NUDCD3: variants seen among roughly 807,000 people sequenced by gnomAD.
NUDCD3 encodes the protein nudC domain-containing protein 3.
NUDCD3 carries 13 observed loss-of-function variants against 39.7 expected under a neutral mutation model. The ratio of observed to expected loss-of-function variants is 0.33; its 90% CI spans 0.21 to 0.52. The LOEUF is 0.52. Ranked by LOEUF, NUDCD3 falls within the 20% of genes least tolerant of loss-of-function variation. The pLI, the probability that NUDCD3 is intolerant of heterozygous loss-of-function variation, is 0.96. For synonymous variants in NUDCD3, 175 were observed against 172.4 expected (o/e 1.02, Z -0.12); for missense variants, 453 against 458.1 (o/e 0.99, Z 0.10).
chr7:44,477,966 T>C (rs1800411385), intron 2 of NUDCD3, among the ~76,000 whole-genome samples: 1 of 151,976 alleles, frequency 6.6e-6, no homozygotes, highest in South Asian at 2.1e-4. Flanking sequence ...CCTGTGTAGC[T>C]GAGATTACAG....
At chr7:44,425,629 T>C (rs1799218680) in intron 3 of NUDCD3, among the ~76,000 whole-genome samples, 1 of 152,168 alleles carries the variant, frequency 6.6e-6, no homozygotes, top group African/African-American at 2.4e-5. Flanking sequence ...CTCAGAAGGC[T>C]GAAGTGGGAA....
At chr7:44,405,535 G>C (rs1021997640) in intron 3 of NUDCD3, among the ~76,000 whole-genome samples, 4 of 152,072 alleles carry the variant, frequency 2.6e-5, no homozygotes, top group African/African-American at 9.7e-5. Context: ...GAAGACACTG[G>C]GATCAAGTAC....
intron 2 of NUDCD3, among the ~76,000 whole-genome samples, chr7:44,450,480 G>C (rs1799773694): frequency 6.6e-6 from 1 of 151,656 alleles, no homozygotes; most frequent in South Asian, 2.1e-4. Context: ...GCCCGGCCAA[G>C]AAATGTCTAA....
At chr7:44,399,225 G>C (rs1798678336) in intron 4 of NUDCD3, among the ~76,000 whole-genome samples, 1 of 152,214 alleles carries the variant, frequency 6.6e-6, no homozygotes, top group Admixed American at 6.5e-5. Flanking sequence ...ACTGGAACAG[G>C]TTTCCTTGGG....
In NUDCD3 at chr7:44,420,491, T is replaced by C. The variant is rs182965553; in HGVS notation, c.642+7080A>G. On this transcript the variant is annotated intron_variant, in intron 3 of 5. Transcript: ENST00000355451. ...CAGGCCAACATGCAAATTCAGGAAA[T>C]ATAGAGAACACCACGAAGATACTCC... is the stretch of plus-strand genomic sequence containing the variant. Among the ~76,000 whole-genome samples the C allele has an allele frequency of 2.5e-4, 38 of 152,086 alleles. 1 individual carries two copies. The East Asian group carries it at 7.0e-3, about 28-fold the overall frequency.
intron 2 of NUDCD3, among the ~76,000 whole-genome samples, chr7:44,457,469 G>A (rs1799926163): frequency 6.6e-6 from 1 of 152,064 alleles, no homozygotes; most frequent in Non-Finnish European, 1.5e-5. Flanking sequence ...AAAGCTGCAG[G>A]TTACAAGATC....
At chr7:44,447,876 C>A (rs1799716109) in intron 2 of NUDCD3, among the ~76,000 whole-genome samples, 2 of 152,166 alleles carry the variant, frequency 1.3e-5, no homozygotes, top group South Asian at 4.1e-4. Flanking sequence ...TGTCTGGCCA[C>A]ACAGGATTGC....
chr7:44,458,381 C>T (rs1035739844), intron 2 of NUDCD3, among the ~76,000 whole-genome samples: 7 of 152,178 alleles, frequency 4.6e-5, no homozygotes, highest in African/African-American at 1.7e-4. Context: ...GTTCTGGGGC[C>T]AGACATGGTG....
At chr7:44,437,020 ATT>A (rs765704074) in intron 2 of NUDCD3, among the ~76,000 whole-genome samples, 1 of 137,366 alleles carries the variant, frequency 7.3e-6, no homozygotes, top group Admixed American at 7.1e-5. Flanking sequence ...TGCTCTCATA[ATT>A]TTTTTTTTTA....
At position 44,466,787 on chromosome 7, in the gene NUDCD3, G is replaced by A. The variant is rs1165332751; in HGVS notation, c.509+18181C>T. On this transcript the variant is annotated intron_variant, in intron 2 of 5. Coordinates refer to ENST00000355451, the MANE Select transcript of NUDCD3 (RefSeq NM_015332.4). The stretch of plus-strand genomic sequence containing the variant: ...AGCAGCAGAATAGAAAGCTCTGGGT[G>A]AGCCTGCAAAGCAGGAGGCATGCTA... Among the ~76,000 whole-genome samples, 9 of 152,354 alleles carry A rather than the reference G, an allele frequency of 5.9e-5. No individual in the cohort carries two copies. The East Asian group carries it at 1.7e-3, about 29-fold the overall frequency.
At chr7:44,442,368 T>C (rs769210014) in intron 2 of NUDCD3, among the ~76,000 whole-genome samples, 34 of 152,110 alleles carry the variant, frequency 2.2e-4, no homozygotes, top group Non-Finnish European at 3.7e-4. Context: ...ACATGGAGAG[T>C]AGACTGCAGA....
chr7:44,466,360 T>A (rs1800118688), intron 2 of NUDCD3, among the ~76,000 whole-genome samples: 2 of 152,190 alleles, frequency 1.3e-5, no homozygotes, highest in African/African-American at 4.8e-5. Flanking sequence ...TGGTTTCCTT[T>A]CTTACTCAGA....
In NUDCD3 at chr7:44,484,144, G is replaced by A. The variant is rs899611397; in HGVS notation, c.509+824C>T. 2.0e-5 allele frequency among the ~76,000 whole-genome samples: 3 copies of A among 152,308 alleles called. No homozygotes were observed. In the South Asian group the frequency reaches 6.2e-4, roughly 32 times the overall value. ...CACAGGTGACCCATCCTATCAAGGA[G>A]GGAAGAGAGTGAATTTTCCAAAAAA... On this transcript the variant is annotated intron_variant, in intron 2 of 5. Coordinates refer to ENST00000355451, the MANE Select transcript of NUDCD3 (RefSeq NM_015332.4).
At chr7:44,415,269 G>A (rs902616833) in intron 3 of NUDCD3, among the ~76,000 whole-genome samples, 2 of 152,166 alleles carry the variant, frequency 1.3e-5, no homozygotes, top group South Asian at 2.1e-4. Flanking sequence ...GGTCTGACAT[G>A]AGCAATCACA....
chr7:44,468,349 C>CAA (rs77181470), intron 2 of NUDCD3: 4,465 of 378,904 alleles, frequency 0.012, 18 homozygotes, highest in African/African-American at 0.034. Flanking sequence ...GTAAAAACTG[C>CAA]AAAAAAAAAA....
chr7:44,385,305 G>GC lies in NUDCD3; in HGVS notation c.*705dup, dbSNP rs1798382275. 6.6e-6 allele frequency: 1 copy of GC among 152,310 alleles called. No individual in the cohort carries two copies. Among genetic ancestry groups the GC allele is most frequent in the Non-Finnish European group, 1.5e-5 (1 of 68,076 alleles). The allele number at this position is 152,310 out of a possible 1,614,324, so 9.4% of individuals were successfully genotyped here. On this transcript the variant is annotated 3_prime_UTR_variant, in exon 6 of 6. Coordinates refer to ENST00000355451, the MANE Select transcript of NUDCD3 (RefSeq NM_015332.4). ...TTGGTTCACTTCAACAAGAACCAAAGCAAGGTCGCCACAGTCAGAGAACAG... is the reference window on the plus strand; with the variant it reads ...TTGGTTCACTTCAACAAGAACCAAAGCCAAGGTCGCCACAGTCAGAGAACAG...
chr7:44,403,836 T>A (rs575295656), intron 4 of NUDCD3, among the ~76,000 whole-genome samples: 5 of 152,218 alleles, frequency 3.3e-5, no homozygotes, highest in African/African-American at 1.2e-4. Context: ...AACAAGTTAG[T>A]TCAGAACATG....
At chr7:44,488,857 G>A (rs1277140823) in intron 1 of NUDCD3, among the ~76,000 whole-genome samples, 2 of 152,136 alleles carry the variant, frequency 1.3e-5, no homozygotes, top group Middle Eastern at 3.2e-3. Context: ...CCAGGTTAAT[G>A]AGTGCTCTGT....
At chr7:44,485,320 T>C in intron 1 of NUDCD3, 36 bp from the exon 2 acceptor site, 1 of 1,474,730 alleles carries the variant, frequency 6.8e-7, no homozygotes. Context: ...TCAGTTCATC[T>C]GCCCAATACT....
Sources: allele counts gnomAD v4.1 joint callset (sites outside exome capture counted in the v4.1 genomes callset), GRCh38; gene constraint gnomAD v4.1.1; transcripts MANE v1.5; gene names NCBI Gene and HGNC (gene_info 2026-07-23, HGNC 2026-07-21).